CCDC122: variants seen among roughly 807,000 people sequenced by gnomAD.
CCDC122 encodes coiled-coil domain containing 122.
A neutral mutation model predicts 37.0 loss-of-function variants in CCDC122; 38 were observed. The ratio of observed to expected loss-of-function variants is 1.03; its 90% CI spans 0.79 to 1.35. The LOEUF (loss-of-function observed/expected upper bound fraction) is 1.35, where lower values mean the gene tolerates loss of function less well. Ranked by LOEUF, CCDC122 falls within the 40% of genes most tolerant of loss-of-function variation. CCDC122 has a pLI of 0.00. For synonymous variants in CCDC122, 83 were observed against 95.6 expected, an observed-to-expected ratio of 0.87 and a Z score of 0.77; for missense variants, 305 against 310.0, an observed-to-expected ratio of 0.98 and a Z score of 0.12.
Position 43,859,895 on chromosome 13 carries a change from A to G in CCDC122, c.332T>C (p.Ile111Thr), listed in dbSNP as rs540433373. ...CTCAAAATCTTCTTGGGCTGTTTCT[A>G]TGTCAAATTTAAGCTTTACATTTTC... ...HSENVKLKFD[I>T]ETAQEDFEEH... The change falls in exon 5 of 7, where the codon ATA (isoleucine) becomes ACA (threonine). Residue 111 changes from isoleucine to threonine, a missense_variant. Ile to Thr is a moderately conservative substitution (Grantham distance 89, BLOSUM62 -1). Transcript: ENST00000444614. 6.2e-7 allele frequency: 1 copy of G among 1,607,724 alleles called. No homozygotes were observed. Among genetic ancestry groups the G allele is most frequent in the South Asian group, 1.1e-5 (1 of 89,248 alleles).
intron 6 of CCDC122, among the ~76,000 whole-genome samples, chr13:43,845,512 A>G (rs1594824249): frequency 6.6e-6 from 1 of 152,176 alleles, no homozygotes; most frequent in Admixed American, 6.5e-5. Context: ...GGAGTACAAG[A>G]CCAGCCTGGC....
intron 6 of CCDC122, among the ~76,000 whole-genome samples, chr13:43,849,988 A>G (rs368555567): frequency 6.6e-6 from 1 of 152,180 alleles, no homozygotes; most frequent in Non-Finnish European, 1.5e-5. Flanking sequence ...CTGATGTAAC[A>G]TCAAAGGAGC....
chr13:43,850,071 C>T (rs1293779926), intron 6 of CCDC122, among the ~76,000 whole-genome samples: 1 of 152,122 alleles, frequency 6.6e-6, no homozygotes, highest in Non-Finnish European at 1.5e-5. Context: ...TCACTGGAGG[C>T]CATGTTAGGA....
At position 43,858,880 on chromosome 13, in the gene CCDC122, T is replaced by C. The variant is rs1954016775; in HGVS notation, c.573A>G (p.Leu191=). The part of the protein sequence containing the change: ...ITQVQEDITN[L]KDKIITVKES... ...CTTTTACAGTTATAATTTTATCCTTTAAGTTTGTAATGTCTTCCTGTATGT... is the reference window on the plus strand; with the variant it reads ...CTTTTACAGTTATAATTTTATCCTTCAAGTTTGTAATGTCTTCCTGTATGT... The change falls in exon 6 of 7, where the codon TTA becomes TTG. Residue 191 remains leucine (L), a synonymous_variant. Transcript: ENST00000444614. 6 of 1,404,558 alleles carry C rather than the reference T, an allele frequency of 4.3e-6. No homozygotes were observed. Among genetic ancestry groups the C allele is most frequent in the Non-Finnish European group, 4.8e-6 (5 of 1,046,374 alleles). 87.0% of individuals were successfully genotyped at this position (1,404,558 alleles called of 1,614,324 possible). A position where few individuals can be genotyped will look rare whatever the true frequency, so the allele number is the denominator to read the frequency against.
chr13:43,863,675 TTGTGTGTGTG>T (rs55637761), intron 4 of CCDC122, among the ~76,000 whole-genome samples: 1 of 149,380 alleles, frequency 6.7e-6, no homozygotes, highest in African/African-American at 2.5e-5. Flanking sequence ...TTCTAGTGGG[TTGTGTGTGTG>T]TGTGTGTGTG....
downstream of CCDC122, among the ~76,000 whole-genome samples, chr13:43,819,708 G>T (rs537878195): frequency 4.6e-5 from 7 of 152,090 alleles, no homozygotes; most frequent in Non-Finnish European, 1.0e-4. Flanking sequence ...ATGCCATAGA[G>T]GGATAAGGAA....
intron 3 of CCDC122, among the ~76,000 whole-genome samples, chr13:43,825,765 G>A (rs112929697): frequency 0.024 from 2,095 of 86,268 alleles, 14 homozygotes; most frequent in Middle Eastern, 0.073. Flanking sequence ...GTGAGACTCC[G>A]TCTCAAAAAA....
At chr13:43,834,822 G>C (rs1594812202), downstream of CCDC122, among the ~76,000 whole-genome samples, 1 of 152,168 alleles carries the variant, frequency 6.6e-6, no homozygotes, top group Non-Finnish European at 1.5e-5. Context: ...AGGTGCTGGA[G>C]AGGATGTGGA....
intron 6 of CCDC122, among the ~76,000 whole-genome samples, chr13:43,846,343 G>T (rs956093745): frequency 2.0e-5 from 3 of 152,092 alleles, no homozygotes; most frequent in African/African-American, 7.2e-5. Flanking sequence ...CAAAGTGTTG[G>T]GATTACAGGC....
At chr13:43,829,360 C>T (rs1179504083) in intron 3 of CCDC122, among the ~76,000 whole-genome samples, 1 of 152,106 alleles carries the variant, frequency 6.6e-6, no homozygotes, top group African/African-American at 2.4e-5. Context: ...GGCTGGAGTA[C>T]AGTGGTGCGA....
intron 4 of CCDC122, among the ~76,000 whole-genome samples, 199 bp downstream of exon 4, chr13:43,868,495 T>C (rs1410113616): frequency 6.6e-6 from 1 of 152,138 alleles, no homozygotes; most frequent in Non-Finnish European, 1.5e-5. Context: ...GCAATGACAT[T>C]GTTGAATCTT....
chr13:43,840,532 C>T (rs182355012), intron 6 of CCDC122, among the ~76,000 whole-genome samples: 9 of 151,954 alleles, frequency 5.9e-5, no homozygotes, highest in African/African-American at 2.2e-4. Flanking sequence ...CTCCCCACTA[C>T]CCCCACCCCA....
At chr13:43,875,347 C>T (rs74963507) in intron 1 of CCDC122, among the ~76,000 whole-genome samples, 438 of 152,272 alleles carry the variant, frequency 2.9e-3, no homozygotes, top group Non-Finnish European at 4.3e-3. Flanking sequence ...AGTGCCCTCC[C>T]GCACATCCAA....
chr13:43,823,935 CT>C (rs1344587840), exon 4 of CCDC122: 1 of 152,234 alleles, frequency 6.6e-6, no homozygotes, highest in East Asian at 1.9e-4. Flanking sequence ...TGATGGTGCT[CT>C]TGAGTATAGT....
chr13:43,853,112 G>A (rs1230444655), intron 6 of CCDC122, among the ~76,000 whole-genome samples: 5 of 151,676 alleles, frequency 3.3e-5, no homozygotes, highest in Admixed American at 3.3e-4. Flanking sequence ...CCATCATGAT[G>A]ACAGGATCAA....
intron 4 of CCDC122, among the ~76,000 whole-genome samples, chr13:43,860,276 T>A (rs1954064953): frequency 6.6e-6 from 1 of 152,104 alleles, no homozygotes; most frequent in Non-Finnish European, 1.5e-5. Flanking sequence ...TATTTTTTAA[T>A]GTTCATCTAA....
chr13:43,868,888 A>C, intron 3 of CCDC122, 85 bp from the exon 4 acceptor site: 1 of 633,192 alleles, frequency 1.6e-6, no homozygotes, highest in Non-Finnish European at 2.4e-6. Context: ...ACTCAAAATC[A>C]TGAAATATTT....
intron 2 of CCDC122, among the ~76,000 whole-genome samples, chr13:43,870,528 A>G (rs945259484): frequency 3.3e-5 from 5 of 152,052 alleles, no homozygotes; most frequent in Admixed American, 1.3e-4. Context: ...AGTTCTCTCA[A>G]TTAATTACAA....
chr13:43,838,154 T>C (rs541616093), intron 6 of CCDC122, among the ~76,000 whole-genome samples: 1 of 152,342 alleles, frequency 6.6e-6, no homozygotes, highest in East Asian at 1.9e-4. Flanking sequence ...GCTTCTCTAA[T>C]CATTCTTCTA....
Sources: allele counts gnomAD v4.1 joint callset (sites outside exome capture counted in the v4.1 genomes callset), GRCh38; gene constraint gnomAD v4.1.1; transcripts MANE v1.5; gene names NCBI Gene and HGNC (gene_info 2026-07-23, HGNC 2026-07-21).